Variants in CBR4 observed in about 807,000 individuals in gnomAD.
The protein encoded by CBR4 is 3-oxoacyl-[acyl-carrier-protein] reductase.
In CBR4, 22 loss-of-function variants were observed where a neutral mutation model predicts 21.0. The ratio of observed to expected loss-of-function variants is 1.05; its 90% CI spans 0.75 to 1.50. CBR4 has a LOEUF of 1.50. CBR4 is among the 40% of genes most tolerant of loss of function. The pLI is 0.00. For synonymous variants in CBR4, 100 were observed against 104.4 expected (o/e 0.96, Z 0.26); for missense variants, 302 against 286.3 (o/e 1.05, Z -0.40).
chr4:168,961,911 G>C (rs1578943030), intron 2 of CBR4, among the ~76,000 whole-genome samples: 1 of 148,730 alleles, frequency 6.7e-6, no homozygotes, highest in Admixed American at 6.7e-5. Context: ...AAGGGAGAGG[G>C]GAGGGGAGGG....
intron 2 of CBR4, among the ~76,000 whole-genome samples, chr4:168,981,008 G>C (rs1216112526): frequency 6.6e-6 from 1 of 152,208 alleles, no homozygotes; most frequent in Non-Finnish European, 1.5e-5. Flanking sequence ...TGGCAATTAA[G>C]ATTATCGAGA....
At chr4:168,952,473 G>T (rs1312481580) in intron 2 of CBR4, among the ~76,000 whole-genome samples, 1 of 152,070 alleles carries the variant, frequency 6.6e-6, no homozygotes, top group Non-Finnish European at 1.5e-5. Flanking sequence ...TGTGATTTTG[G>T]GGGGGTGTTA....
At chr4:168,997,031 C>T (rs1449749202) in intron 4 of CBR4, among the ~76,000 whole-genome samples, 1 of 152,112 alleles carries the variant, frequency 6.6e-6, no homozygotes, top group Non-Finnish European at 1.5e-5. Context: ...CTCTCCTTGG[C>T]CCCAAAGGAC....
chr4:168,938,105 C>T (rs1763162789), intron 2 of CBR4, among the ~76,000 whole-genome samples: 2 of 152,168 alleles, frequency 1.3e-5, no homozygotes, highest in Non-Finnish European at 2.9e-5. Flanking sequence ...GAAATCATAA[C>T]AAACAGTCTG....
intron 2 of CBR4, among the ~76,000 whole-genome samples, chr4:168,973,792 A>G (rs577049334): frequency 6.6e-6 from 1 of 152,340 alleles, no homozygotes; most frequent in South Asian, 2.1e-4. Context: ...TATTTCCAGG[A>G]ATGTATCTAT....
intron 2 of CBR4, among the ~76,000 whole-genome samples, chr4:168,931,345 G>A (rs924618200): frequency 6.6e-6 from 1 of 152,146 alleles, no homozygotes; most frequent in Non-Finnish European, 1.5e-5. Flanking sequence ...GCTAGGGTAT[G>A]AGAAACAGTC....
chr4:168,895,256 C>G (rs886757432), intron 2 of CBR4, among the ~76,000 whole-genome samples: 7 of 152,178 alleles, frequency 4.6e-5, no homozygotes, highest in Non-Finnish European at 8.8e-5. Context: ...GTGACGCACA[C>G]CTGTAGTCCC....
chr4:168,910,572 A>AT lies in CBR4; in HGVS notation n.170-15808dup, dbSNP rs942366935. ...TATATCCATAGTGAGTGCTACAATA[A>AT]TTTAACATTTTGAGCATTGGCTTCA... is the stretch of plus-strand genomic sequence containing the variant. On this transcript the variant is annotated intron_variant and non_coding_transcript_variant, in intron 2 of 3. Transcript: ENST00000509108. 8.0e-4 allele frequency among the ~76,000 whole-genome samples: 122 copies of AT among 152,348 alleles called. 1 individual carries two copies. The highest frequency in any genetic ancestry group is 2.7e-3 in the African/African-American group (112 of 41,576).
intron 2 of CBR4, chr4:168,904,332 AAG>A (rs1458608123): frequency 1.1e-5 from 2 of 180,614 alleles, no homozygotes; most frequent in Non-Finnish European, 2.4e-5. Flanking sequence ...AATATTTTAA[AAG>A]AAACACATCA....
chr4:168,903,801 T>C lies in CBR4; in HGVS notation n.170-9036A>G, dbSNP rs934779804. The C allele has an allele frequency of 1.2e-6, 2 of 1,612,022 alleles. No homozygotes were observed. The highest frequency in any genetic ancestry group is 2.7e-5 in the African/African-American group (2 of 74,882). On this transcript the variant is annotated intron_variant and non_coding_transcript_variant, in intron 2 of 3. Transcript: ENST00000509108. ...GGAAGCAGATCTCTCCAAAGAGTGA[T>C]CACTACACCATTCAAAGAGATCTCG...
intron 2 of CBR4, among the ~76,000 whole-genome samples, chr4:168,959,563 T>TTC (rs1553990305): frequency 0.11 from 6,143 of 55,944 alleles, 300 homozygotes; most frequent in East Asian, 0.23. Context: ...ATCAATTTCT[T>TTC]TTTTTTTTTT....
intron 2 of CBR4, among the ~76,000 whole-genome samples, chr4:168,919,709 T>G (rs573175822): frequency 6.6e-6 from 1 of 152,134 alleles, no homozygotes; most frequent in South Asian, 2.1e-4. Context: ...TCCTAGACAC[T>G]GATTATCCTT....
chr4:168,981,108 G>T (rs1764532206), intron 2 of CBR4, among the ~76,000 whole-genome samples: 1 of 152,086 alleles, frequency 6.6e-6, no homozygotes, highest in African/African-American at 2.4e-5. Context: ...GCCATTTTAA[G>T]AAAGAACCAG....
intron 2 of CBR4, among the ~76,000 whole-genome samples, chr4:168,952,699 C>T (rs1763575648): frequency 6.6e-6 from 1 of 152,178 alleles, no homozygotes; most frequent in African/African-American, 2.4e-5. Context: ...CTGGGTCTAG[C>T]CACCCAGCAA....
intron 2 of CBR4, among the ~76,000 whole-genome samples, chr4:168,979,565 G>A (rs929941868): frequency 3.9e-5 from 6 of 152,032 alleles, no homozygotes; most frequent in East Asian, 1.9e-4. Flanking sequence ...GGGCTTCAGC[G>A]GTACGGCCCT....
intron 2 of CBR4, among the ~76,000 whole-genome samples, chr4:168,913,040 A>G (rs1466742269): frequency 1.3e-5 from 2 of 152,204 alleles, no homozygotes; most frequent in South Asian, 2.1e-4. Flanking sequence ...TCATTTAGTC[A>G]TGAAGCTCTC....
At chr4:168,990,452 T>C in intron 4 of CBR4, 124 bp from the exon 5 acceptor site, 1 of 935,424 alleles carries the variant, frequency 1.1e-6, no homozygotes, top group Non-Finnish European at 1.5e-6. Flanking sequence ...AAAATTTTTT[T>C]TTGAGACAGG....
intron 2 of CBR4, among the ~76,000 whole-genome samples, chr4:168,981,824 G>A (rs1764554677): frequency 6.6e-6 from 1 of 152,190 alleles, no homozygotes; most frequent in Non-Finnish European, 1.5e-5. Context: ...AGCTTCATAA[G>A]TGAAGGAAAA....
intron 2 of CBR4, among the ~76,000 whole-genome samples, chr4:168,919,288 C>T (rs1426596959): frequency 6.6e-6 from 1 of 152,014 alleles, no homozygotes; most frequent in Non-Finnish European, 1.5e-5. Context: ...CTTTGGGAGG[C>T]CGAGGCAGGT....
Sources: allele counts gnomAD v4.1 joint callset (sites outside exome capture counted in the v4.1 genomes callset), GRCh38; gene constraint gnomAD v4.1.1; transcripts MANE v1.5; gene names NCBI Gene and HGNC (gene_info 2026-07-23, HGNC 2026-07-21).